UBE2D3: variants seen among roughly 807,000 people sequenced by gnomAD.
UBE2D3 encodes the protein ubiquitin conjugating enzyme E2 D3.
UBE2D3 carries 2 observed loss-of-function variants against 22.8 expected under a neutral mutation model. The ratio of observed to expected loss-of-function variants is 0.09; its 90% CI spans 0.04 to 0.28. The LOEUF is 0.28. Ranked by LOEUF, UBE2D3 falls within the 10% of genes least tolerant of loss-of-function variation. The pLI, the probability that UBE2D3 is intolerant of heterozygous loss-of-function variation, is 1.00. For missense variants in UBE2D3, 27 were observed against 182.5 expected, an observed-to-expected ratio of 0.15 and a Z score of 4.91; for synonymous variants, 56 against 60.4, an observed-to-expected ratio of 0.93 and a Z score of 0.34.
intron 2 of UBE2D3, among the ~76,000 whole-genome samples, chr4:102,816,288 C>T (rs1186324044): frequency 6.6e-6 from 1 of 152,158 alleles, no homozygotes; most frequent in Non-Finnish European, 1.5e-5. Context: ...CTAAGAGTTT[C>T]CAAATCAAAG....
At chr4:102,811,670 A>C (rs1728055997) in intron 2 of UBE2D3, 1 of 369,522 alleles carries the variant, frequency 2.7e-6, no homozygotes, top group East Asian at 8.6e-5. Context: ...AGACTGTCTC[A>C]AAAACAACAA....
chr4:102,841,957 A>G (rs769414923), intron 1 of UBE2D3, among the ~76,000 whole-genome samples: 73 of 152,206 alleles, frequency 4.8e-4, no homozygotes, highest in Non-Finnish European at 7.3e-4. Context: ...GTAGCACAAT[A>G]AAGAACTTTT....
At chr4:102,846,132 T>A (rs1182128502) in intron 1 of UBE2D3, among the ~76,000 whole-genome samples, 1 of 152,172 alleles carries the variant, frequency 6.6e-6, no homozygotes. Context: ...CTCTACTGCC[T>A]TAGGATTCTA....
At chr4:102,842,306 T>C (rs1172388099) in intron 1 of UBE2D3, among the ~76,000 whole-genome samples, 1 of 151,796 alleles carries the variant, frequency 6.6e-6, no homozygotes, top group East Asian at 1.9e-4. Context: ...ATCCCATTGC[T>C]TTGGGATGCC....
intron 1 of UBE2D3, among the ~76,000 whole-genome samples, chr4:102,857,787 G>C (rs138965140): frequency 6.6e-6 from 1 of 152,082 alleles, no homozygotes; most frequent in Admixed American, 6.5e-5. Context: ...TCTGCCTCCC[G>C]GGTTCAAGCA....
intron 1 of UBE2D3, among the ~76,000 whole-genome samples, chr4:102,861,970 T>C (rs1043620974): frequency 6.6e-6 from 1 of 151,950 alleles, no homozygotes; most frequent in South Asian, 2.1e-4. Context: ...CAGGCTGGGG[T>C]GCAGAGGCAT....
At chr4:102,808,684 T>G (rs1305366890) in intron 4 of UBE2D3, among the ~76,000 whole-genome samples, 1 of 152,226 alleles carries the variant, frequency 6.6e-6, no homozygotes, top group Non-Finnish European at 1.5e-5. Flanking sequence ...ATCTGTCTCC[T>G]CTAATACAGT....
At chr4:102,799,912 A>G (rs1189017555) in intron 6 of UBE2D3, among the ~76,000 whole-genome samples, 3 of 151,400 alleles carry the variant, frequency 2.0e-5, no homozygotes, top group African/African-American at 7.3e-5. Context: ...TGAAAAATCC[A>G]TTCTTAGCCG....
At chr4:102,801,745 A>C in intron 5 of UBE2D3, 186 bp from the exon 6 acceptor site, 1 of 476,764 alleles carries the variant, frequency 2.1e-6, no homozygotes, top group South Asian at 3.2e-5. Context: ...ACAGAAACCT[A>C]AACTTTTGGA....
intron 1 of UBE2D3, among the ~76,000 whole-genome samples, chr4:102,868,072 C>CTTTTTTTTTTTTTTTTTTTTTTT (rs11418599): frequency 8.7e-6 from 1 of 115,278 alleles, no homozygotes; most frequent in African/African-American, 3.6e-5. Context: ...GCTTTAGATT[C>CTTTTTTTTTTTTTTTTTTTTTTT]TTTTTTTTTT....
intron 4 of UBE2D3, among the ~76,000 whole-genome samples, chr4:102,805,026 T>A (rs1476532515): frequency 6.6e-6 from 1 of 152,202 alleles, no homozygotes; most frequent in Non-Finnish European, 1.5e-5. Context: ...AGAAGTTCTT[T>A]GTAAGCTTTC....
At chr4:102,836,452 C>G (rs924253091) in intron 1 of UBE2D3, among the ~76,000 whole-genome samples, 3 of 152,082 alleles carry the variant, frequency 2.0e-5, no homozygotes. Context: ...TAGCCTCTTC[C>G]AATTTTTGTC....
chr4:102,807,530 A>T (rs1277302408), intron 4 of UBE2D3, among the ~76,000 whole-genome samples: 1 of 152,220 alleles, frequency 6.6e-6, no homozygotes, highest in Non-Finnish European at 1.5e-5. Context: ...CTACCAAAGC[A>T]AAACCCAGCA....
chr4:102,854,170 A>ACC (rs1426381952), intron 1 of UBE2D3, among the ~76,000 whole-genome samples: 1 of 151,718 alleles, frequency 6.6e-6, no homozygotes, highest in African/African-American at 2.4e-5. Context: ...CCCTGATTAA[A>ACC]CCTCCTTGCA....
chr4:102,851,816 GCCA>G (rs1732372245), intron 1 of UBE2D3, among the ~76,000 whole-genome samples: 1 of 151,830 alleles, frequency 6.6e-6, no homozygotes, highest in African/African-American at 2.4e-5. Context: ...ACAGGTGCAC[GCCA>G]CCACACCTGG....
rs1725094017 is a variant in UBE2D3, at chr4:102,794,709, C to A, written c.*2706G>T. 1 of 151,568 alleles carries A rather than the reference C, an allele frequency of 6.6e-6. No individual in the cohort carries two copies. Among genetic ancestry groups the A allele is most frequent in the Non-Finnish European group, 1.5e-5 (1 of 67,878 alleles). The allele number at this position is 151,568 out of a possible 1,614,324, so 9.4% of individuals were successfully genotyped here. ...GTGAGTGTTTCACTACCCCTGAGAC[C>A]ACTAGTTAACTGTGGTTCATACTTT... is the stretch of plus-strand genomic sequence containing the variant. On this transcript the variant is annotated 3_prime_UTR_variant, in exon 8 of 8. Transcript: ENST00000453744.
At chr4:102,820,217 G>A (rs1032562810) in intron 2 of UBE2D3, among the ~76,000 whole-genome samples, 1 of 152,132 alleles carries the variant, frequency 6.6e-6, no homozygotes, top group Non-Finnish European at 1.5e-5. Context: ...TAAAGATCTG[G>A]TTTACTATAA....
At chr4:102,809,141 C>A (rs1210884961) in intron 4 of UBE2D3, 3 of 313,736 alleles carry the variant, frequency 9.6e-6, no homozygotes, top group Admixed American at 9.0e-5. Flanking sequence ...ATTCAATTAT[C>A]CAGCATATAG....
chr4:102,845,979 T>C (rs1025553736), intron 1 of UBE2D3, among the ~76,000 whole-genome samples: 1 of 152,098 alleles, frequency 6.6e-6, no homozygotes, highest in Non-Finnish European at 1.5e-5. Context: ...TTACTAGAGA[T>C]GGGGTTTCAC....
Sources: gnomAD v4.1 joint callset for allele counts (sites outside exome capture counted in the v4.1 genomes callset) on GRCh38, gnomAD v4.1.1 for gene constraint, MANE v1.5 for transcripts, NCBI Gene and HGNC (gene_info 2026-07-23, HGNC 2026-07-21) for gene names.